The following SHANK2 variants were observed in gnomAD, a reference collection of about 807,000 sequenced individuals.
The protein encoded by SHANK2 is SH3 and multiple ankyrin repeat domains protein 2.
In SHANK2, 43 loss-of-function variants were observed where a neutral mutation model predicts 133.7. The ratio of observed to expected loss-of-function variants is 0.32; its 90% CI spans 0.25 to 0.41. The LOEUF is 0.41. Ranked by LOEUF, SHANK2 falls within the 10% of genes least tolerant of loss-of-function variation. The probability of loss-of-function intolerance (pLI) is 1.00; values close to 1 mark genes in which losing one functional copy is unlikely to be tolerated. For synonymous variants in SHANK2, 1,017 were observed against 952.8 expected (o/e 1.07, Z -1.24); for missense variants, 1,994 against 2,235.8 (o/e 0.89, Z 2.18).
chr11:71,245,169 G>A (rs970830827), intron 1 of SHANK2, among the ~76,000 whole-genome samples: 1 of 151,872 alleles, frequency 6.6e-6, no homozygotes, highest in Non-Finnish European at 1.5e-5. Context: ...TTGTAGAGAT[G>A]GGGTCTCATT....
chr11:70,838,367 AGCT>A (rs1555060627), intron 11 of SHANK2, among the ~76,000 whole-genome samples: 2 of 152,120 alleles, frequency 1.3e-5, no homozygotes, highest in East Asian at 3.9e-4. Context: ...TTCTCTTCCT[AGCT>A]AGTAATTTCT....
intron 5 of SHANK2, among the ~76,000 whole-genome samples, chr11:71,111,710 C>T (rs781893999): frequency 1.2e-4 from 19 of 152,184 alleles, no homozygotes; most frequent in Non-Finnish European, 2.6e-4. Flanking sequence ...CTGTATGTTT[C>T]GGAACTAGAA....
intron 9 of SHANK2, among the ~76,000 whole-genome samples, chr11:71,063,859 C>T (rs981396481): frequency 3.2e-4 from 48 of 152,344 alleles, no homozygotes; most frequent in African/African-American, 1.1e-3. Flanking sequence ...AAATGTACCT[C>T]CCCACGAAGG....
At chr11:70,776,432 G>A (rs1947366181) in intron 14 of SHANK2, among the ~76,000 whole-genome samples, 1 of 152,160 alleles carries the variant, frequency 6.6e-6, no homozygotes, top group Non-Finnish European at 1.5e-5. Context: ...ACACTCTCTA[G>A]GGGCCAAAGA....
At chr11:70,579,919 C>T (rs1486477016) in intron 17 of SHANK2, among the ~76,000 whole-genome samples, 3 of 152,194 alleles carry the variant, frequency 2.0e-5, no homozygotes, top group African/African-American at 4.8e-5. Context: ...AGCCAAGGAA[C>T]ACAGGCGGCC....
intron 15 of SHANK2, among the ~76,000 whole-genome samples, chr11:70,680,503 ACT>A (rs1327676133): frequency 6.6e-6 from 1 of 151,062 alleles, no homozygotes; most frequent in Non-Finnish European, 1.5e-5. Flanking sequence ...CCAGCTCCCC[ACT>A]CTCTGCCTCT....
At chr11:71,125,531 G>A (rs1323109534) in intron 3 of SHANK2, among the ~76,000 whole-genome samples, 23 of 152,326 alleles carry the variant, frequency 1.5e-4, no homozygotes, top group African/African-American at 4.8e-4. Context: ...TTCTCTGAAG[G>A]CTGAGAGAGG....
At position 71,109,952 on chromosome 11, in the gene SHANK2, G is replaced by A. The variant is rs782210973; in HGVS notation, c.581C>T (p.Pro194Leu). The A allele has an allele frequency of 7.6e-5, 118 of 1,550,694 alleles. No homozygotes were observed. Among genetic ancestry groups the A allele is most frequent in the Middle Eastern group, 1.7e-4 (1 of 6,014 alleles). ...TAGCAAGTGCTCACCTCCGGTCTCC[G>A]GGTCGTGGAAATTGGGATCCAGGCC... Reference protein sequence around the residue: ...DRGLDPNFHDPETGETPLTLA... With the variant: ...DRGLDPNFHDLETGETPLTLA... The change falls in exon 6 of 26, where the codon CCG (proline) becomes CTG (leucine). Residue 194 changes from proline to leucine, a missense_variant. Transcript: ENST00000601538.
chr11:70,614,752 C>T (rs2060715493), intron 17 of SHANK2, among the ~76,000 whole-genome samples: 1 of 152,228 alleles, frequency 6.6e-6, no homozygotes, highest in South Asian at 2.1e-4. Flanking sequence ...ATGACCAAGC[C>T]CTTCTGCAGA....
intron 3 of SHANK2, among the ~76,000 whole-genome samples, chr11:71,134,218 C>T (rs35433728): frequency 3.3e-5 from 5 of 150,674 alleles, no homozygotes; most frequent in Admixed American, 2.0e-4. Context: ...AGTCCACGTG[C>T]GGTGCCACCC....
intron 6 of SHANK2, among the ~76,000 whole-genome samples, chr11:71,097,891 T>A (rs1951647441): frequency 1.3e-5 from 2 of 151,810 alleles, no homozygotes. Flanking sequence ...TGCCTGTGTG[T>A]GCATGGCTGT....
rs183228876 is a variant in SHANK2 at position 70,516,598 on chromosome 11, A to G, written c.2062-13667T>C. ...CCAAAAGCATAATCTATAAAAGTCA[A>G]AATTGATGTTGGACTTCCTTAAATT... is the stretch of plus-strand genomic sequence containing the variant. On this transcript the variant is annotated intron_variant, in intron 17 of 25. Coordinates refer to ENST00000601538, the MANE Select transcript of SHANK2 (RefSeq NM_012309.5). 3.3e-5 allele frequency among the ~76,000 whole-genome samples: 5 copies of G among 152,368 alleles called. No individual in the cohort carries two copies. The East Asian group carries it at 9.6e-4, about 29-fold the overall frequency.
intron 11 of SHANK2, among the ~76,000 whole-genome samples, chr11:70,855,965 A>G (rs1401678675): frequency 6.6e-6 from 1 of 152,090 alleles, no homozygotes; most frequent in Non-Finnish European, 1.5e-5. Flanking sequence ...CTGAATGAAG[A>G]AATGGATAGA....
intron 17 of SHANK2, among the ~76,000 whole-genome samples, chr11:70,586,932 C>A (rs1163246379): frequency 6.6e-6 from 1 of 152,310 alleles, no homozygotes; most frequent in South Asian, 2.1e-4. Flanking sequence ...TCCCCCACCT[C>A]ACTCCTCTCC....
At chr11:70,637,815 G>A (rs1213983921) in intron 17 of SHANK2, among the ~76,000 whole-genome samples, 2 of 152,232 alleles carry the variant, frequency 1.3e-5, no homozygotes, top group African/African-American at 4.8e-5. Flanking sequence ...GAATCCCAAG[G>A]AGCCTTGGTA....
intron 10 of SHANK2, among the ~76,000 whole-genome samples, 176 bp downstream of exon 10, chr11:71,056,305 G>A (rs939523201): frequency 2.0e-5 from 3 of 152,188 alleles, no homozygotes; most frequent in Admixed American, 6.5e-5. Context: ...ACACTGAGAC[G>A]GGGCAGCAGC....
chr11:71,249,327 C>G (rs192708413), intron 1 of SHANK2, among the ~76,000 whole-genome samples: 1 of 152,304 alleles, frequency 6.6e-6, no homozygotes, highest in East Asian at 1.9e-4. Flanking sequence ...CGGACAGGGT[C>G]AAGAACTTTG....
chr11:70,722,349 C>G (rs1486654631), intron 14 of SHANK2, among the ~76,000 whole-genome samples: 1 of 152,206 alleles, frequency 6.6e-6, no homozygotes, highest in Non-Finnish European at 1.5e-5. Context: ...CCTCTTGGTT[C>G]TTTTTACTCC....
At chr11:71,147,840 C>T (rs1555107082) in intron 2 of SHANK2, among the ~76,000 whole-genome samples, 1 of 152,220 alleles carries the variant, frequency 6.6e-6, no homozygotes, top group African/African-American at 2.4e-5. Context: ...AAACACAGAG[C>T]AATGATAGGT....
Sources: allele counts gnomAD v4.1 joint callset (sites outside exome capture counted in the v4.1 genomes callset), GRCh38; gene constraint gnomAD v4.1.1; transcripts MANE v1.5; gene names NCBI Gene and HGNC (gene_info 2026-07-23, HGNC 2026-07-21).